The following REEP3 variants were observed in gnomAD, a reference collection of about 807,000 sequenced individuals.
REEP3 encodes the protein receptor accessory protein 3.
Under a neutral mutation model 41.3 loss-of-function variants are expected in REEP3, and 20 were observed. The ratio of observed to expected loss-of-function variants is 0.48; its 90% CI spans 0.34 to 0.70. The LOEUF is 0.70. Ranked by LOEUF, REEP3 falls within the 30% of genes least tolerant of loss-of-function variation. The probability of loss-of-function intolerance (pLI) is 0.01; values close to 1 mark genes in which losing one functional copy is unlikely to be tolerated. For synonymous variants in REEP3, 104 were observed against 101.8 expected (o/e 1.02, Z -0.13); for missense variants, 271 against 308.8 (o/e 0.88, Z 0.92).
At chr10:63,603,152 A>T (rs914089140) in intron 5 of REEP3, among the ~76,000 whole-genome samples, 2 of 151,738 alleles carry the variant, frequency 1.3e-5, no homozygotes, top group Non-Finnish European at 2.9e-5. Flanking sequence ...TCTCTACTAA[A>T]AATACAAAAA....
intron 1 of REEP3, among the ~76,000 whole-genome samples, chr10:63,542,671 T>C (rs531977280): frequency 2.0e-5 from 3 of 152,320 alleles, no homozygotes; most frequent in Admixed American, 2.0e-4. Context: ...CGCAACCCTT[T>C]TGTAAGAACA....
At chr10:63,563,950 T>TA (rs779055391) in intron 1 of REEP3, among the ~76,000 whole-genome samples, 13 of 152,122 alleles carry the variant, frequency 8.5e-5, no homozygotes, top group Non-Finnish European at 1.8e-4. Flanking sequence ...GTCAAGGTGA[T>TA]AAAAAACAAA....
rs117212615 is a variant in REEP3 at position 63,576,080 on chromosome 10, C to T, written c.105+9670C>T. Among the ~76,000 whole-genome samples the T allele has an allele frequency of 3.0e-4, 46 of 152,286 alleles. 2 individuals are homozygous for T. In the East Asian group the frequency reaches 7.1e-3, roughly 24 times the overall value. On this transcript the variant is annotated intron_variant, in intron 2 of 7. Coordinates refer to ENST00000373758, the MANE Select transcript of REEP3 (RefSeq NM_001001330.3). ...AGTCTTTCGTTTGAATTCTGTTTTA[C>T]ATTTGTTTCAGCTTCTGTTTTTCAT...
intron 6 of REEP3, among the ~76,000 whole-genome samples, chr10:63,611,164 G>A (rs1956274548): frequency 6.6e-6 from 1 of 152,160 alleles, no homozygotes; most frequent in Non-Finnish European, 1.5e-5. Context: ...AATTTTAGAA[G>A]CTGTAGGTGT....
At chr10:63,555,054 G>A (rs1455813752) in intron 1 of REEP3, among the ~76,000 whole-genome samples, 1 of 152,106 alleles carries the variant, frequency 6.6e-6, no homozygotes, top group Non-Finnish European at 1.5e-5. Flanking sequence ...AGAAATTATA[G>A]GCTCTGGAGT....
intron 2 of REEP3, among the ~76,000 whole-genome samples, chr10:63,566,758 C>T (rs1014230560): frequency 6.6e-6 from 1 of 152,120 alleles, no homozygotes; most frequent in Admixed American, 6.5e-5. Context: ...GAATATCTCT[C>T]TGGCCTCAAA....
At chr10:63,521,652 G>A (rs1326884636) in intron 1 of REEP3, 75 bp downstream of exon 1, 1 of 1,145,892 alleles carries the variant, frequency 8.7e-7, no homozygotes. Flanking sequence ...GAGCCGAGAG[G>A]AAAGGGAAGG....
At chr10:63,544,579 A>G (rs1469438402) in intron 1 of REEP3, among the ~76,000 whole-genome samples, 4 of 152,192 alleles carry the variant, frequency 2.6e-5, no homozygotes, top group African/African-American at 9.7e-5. Context: ...GGTTTAGAGA[A>G]GGAATGATGA....
At chr10:63,545,334 A>G (rs948775349) in intron 1 of REEP3, among the ~76,000 whole-genome samples, 2 of 152,192 alleles carry the variant, frequency 1.3e-5, no homozygotes, top group African/African-American at 4.8e-5. Flanking sequence ...ATTACTGTTA[A>G]CTATAGCCAT....
intron 1 of REEP3, among the ~76,000 whole-genome samples, chr10:63,541,203 T>C (rs912271067): frequency 2.0e-5 from 3 of 152,232 alleles, no homozygotes; most frequent in Non-Finnish European, 4.4e-5. Flanking sequence ...CTTTATTTTA[T>C]AGTCTCAATT....
chr10:63,555,369 A>AT (rs542343175), intron 1 of REEP3, among the ~76,000 whole-genome samples: 112 of 152,266 alleles, frequency 7.4e-4, no homozygotes, highest in African/African-American at 2.3e-3. Flanking sequence ...ACTGACAGAG[A>AT]TTTTTAGCAA....
intron 1 of REEP3, among the ~76,000 whole-genome samples, chr10:63,544,745 C>T (rs1293867037): frequency 6.6e-6 from 1 of 152,134 alleles, no homozygotes; most frequent in African/African-American, 2.4e-5. Context: ...GACTTCATAA[C>T]TTGCACATAT....
At chr10:63,527,953 G>GTTTT (rs59473384) in intron 1 of REEP3, among the ~76,000 whole-genome samples, 1 of 139,962 alleles carries the variant, frequency 7.1e-6, no homozygotes, top group Non-Finnish European at 1.6e-5. Context: ...GCTTTTTTTT[G>GTTTT]TTTTTTTTTT....
chr10:63,582,242 T>C (rs1238631060), intron 2 of REEP3, among the ~76,000 whole-genome samples: 1 of 152,230 alleles, frequency 6.6e-6, no homozygotes, highest in Non-Finnish European at 1.5e-5. Flanking sequence ...TAGACCACAG[T>C]TCACATCACA....
intron 2 of REEP3, among the ~76,000 whole-genome samples, chr10:63,571,751 G>C (rs3847325): frequency 0.47 from 70,942 of 152,018 alleles, 16,847 homozygotes; most frequent in Middle Eastern, 0.55. Flanking sequence ...TAATATCTCA[G>C]TTGTTCTAAC....
intron 5 of REEP3, among the ~76,000 whole-genome samples, chr10:63,605,905 C>T (rs530669009): frequency 2.0e-5 from 3 of 152,266 alleles, no homozygotes; most frequent in African/African-American, 7.2e-5. Flanking sequence ...CAGTCAGCCC[C>T]TGCAGTATTC....
At chr10:63,598,285 G>C in intron 4 of REEP3, 141 bp downstream of exon 4, 1 of 493,476 alleles carries the variant, frequency 2.0e-6, no homozygotes, top group Non-Finnish European at 3.5e-6. Context: ...TATGAGACCA[G>C]CCTGGCCAAC....
chr10:63,597,681 G>A (rs1956127672), intron 3 of REEP3, among the ~76,000 whole-genome samples: 1 of 152,190 alleles, frequency 6.6e-6, no homozygotes. Flanking sequence ...GGAGGCCGAG[G>A]TGGGCGGATC....
At chr10:63,539,327 T>C (rs1955504953) in intron 1 of REEP3, among the ~76,000 whole-genome samples, 1 of 152,216 alleles carries the variant, frequency 6.6e-6, no homozygotes, top group African/African-American at 2.4e-5. Context: ...AGGCAAAATT[T>C]TCTAACCATA....
Sources: gnomAD v4.1 joint callset for allele counts (sites outside exome capture counted in the v4.1 genomes callset) on GRCh38, gnomAD v4.1.1 for gene constraint, MANE v1.5 for transcripts, NCBI Gene and HGNC (gene_info 2026-07-23, HGNC 2026-07-21) for gene names.